Variants in GPATCH2 observed in about 807,000 individuals in gnomAD.
GPATCH2 encodes the protein G-patch domain containing 2, also known as G patch domain-containing protein 2.
A neutral mutation model predicts 58.0 loss-of-function variants in GPATCH2; 51 were observed. The observed-to-expected ratio is 0.88, with a 90% CI of 0.70 to 1.11. The LOEUF (loss-of-function observed/expected upper bound fraction) is 1.11. Among genes scored for constraint, GPATCH2 ranks in the 50% most tolerant of loss-of-function variants. The pLI is 0.00. For missense variants in GPATCH2, 625 were observed against 652.2 expected (o/e 0.96, Z 0.45); for synonymous variants, 222 against 218.5 (o/e 1.02, Z -0.14).
intron 6 of GPATCH2, among the ~76,000 whole-genome samples, chr1:217,507,999 CATT>C (rs972003363): frequency 2.6e-5 from 4 of 152,150 alleles, no homozygotes; most frequent in African/African-American, 9.6e-5. Flanking sequence ...AGTATGTCAT[CATT>C]ATCATCATTT....
intron 8 of GPATCH2, among the ~76,000 whole-genome samples, chr1:217,453,878 C>T (rs1241916897): frequency 6.6e-6 from 1 of 152,130 alleles, no homozygotes; most frequent in African/African-American, 2.4e-5. Context: ...GTTAAAGCTG[C>T]CCCCTGGATA....
intron 5 of GPATCH2, among the ~76,000 whole-genome samples, chr1:217,597,755 A>T (rs1330678748): frequency 2.1e-4 from 32 of 152,214 alleles, no homozygotes. Context: ...GTCCTTGTTT[A>T]TAACAAGAAT....
chr1:217,471,225 T>C (rs902524648), intron 8 of GPATCH2, among the ~76,000 whole-genome samples: 5 of 152,108 alleles, frequency 3.3e-5, no homozygotes, highest in Admixed American at 1.3e-4. Flanking sequence ...ACCATTAAAA[T>C]AAAGCATCAC....
intron 6 of GPATCH2, among the ~76,000 whole-genome samples, chr1:217,513,300 A>C (rs1662947520): frequency 6.6e-6 from 1 of 152,120 alleles, no homozygotes; most frequent in South Asian, 2.1e-4. Flanking sequence ...TCAGGGAAAA[A>C]AAAAAAATTA....
At chr1:217,520,884 G>A (rs111647647) in intron 5 of GPATCH2, among the ~76,000 whole-genome samples, 5,418 of 152,066 alleles carry the variant, frequency 0.036, 306 homozygotes, top group African/African-American at 0.12. Flanking sequence ...TTGCCCAAGC[G>A]TGAGTACTCA....
intron 5 of GPATCH2, among the ~76,000 whole-genome samples, chr1:217,538,240 G>A (rs1221606602): frequency 1.3e-5 from 2 of 152,162 alleles, no homozygotes; most frequent in Non-Finnish European, 2.9e-5. Context: ...CATGAAGCAG[G>A]TTCATGACAA....
intron 8 of GPATCH2, among the ~76,000 whole-genome samples, chr1:217,476,943 C>G (rs372477753): frequency 1.3e-5 from 2 of 152,162 alleles, no homozygotes; most frequent in South Asian, 2.1e-4. Flanking sequence ...AACTCCAAGC[C>G]GCACAACTCA....
chr1:217,483,463 G>A (rs1460919114), intron 8 of GPATCH2, among the ~76,000 whole-genome samples: 1 of 152,080 alleles, frequency 6.6e-6, no homozygotes, highest in Non-Finnish European at 1.5e-5. Context: ...GAGATTACAG[G>A]TATAAGCCAC....
chr1:217,620,564 T>A, intron 1 of GPATCH2, 65 bp from the exon 2 acceptor site: 1 of 896,738 alleles, frequency 1.1e-6, no homozygotes, highest in Non-Finnish European at 1.7e-6. Flanking sequence ...TCATTTTCTA[T>A]AACAGACAAT....
chr1:217,453,842 A>T (rs1259613448), intron 8 of GPATCH2, among the ~76,000 whole-genome samples: 2 of 152,220 alleles, frequency 1.3e-5, no homozygotes, highest in Admixed American at 1.3e-4. Context: ...AATTACAAAC[A>T]GAGGCTGTTC....
intron 8 of GPATCH2, among the ~76,000 whole-genome samples, chr1:217,473,411 GT>G (rs201462452): frequency 9.9e-5 from 15 of 151,610 alleles, no homozygotes; most frequent in Admixed American, 1.3e-4. Context: ...GTAATAGGTA[GT>G]TTTTTTAAAA....
chr1:217,504,709 T>C (rs1370653113), intron 6 of GPATCH2, among the ~76,000 whole-genome samples: 1 of 152,216 alleles, frequency 6.6e-6, no homozygotes, highest in Non-Finnish European at 1.5e-5. Flanking sequence ...TCTGATTCCA[T>C]ATCTTGTATT....
chr1:217,603,097 C>G (rs1668185662), intron 5 of GPATCH2, among the ~76,000 whole-genome samples: 1 of 152,016 alleles, frequency 6.6e-6, no homozygotes, highest in African/African-American at 2.4e-5. Flanking sequence ...AGAAAAGTGT[C>G]TGGCACATAG....
intron 5 of GPATCH2, among the ~76,000 whole-genome samples, chr1:217,572,026 G>A (rs146231694): frequency 9.7e-5 from 13 of 134,282 alleles, no homozygotes; most frequent in African/African-American, 1.6e-4. Context: ...GGAAGGAAGG[G>A]AGGTAGGGAG....
intron 5 of GPATCH2, among the ~76,000 whole-genome samples, chr1:217,571,605 C>A (rs772795162): frequency 6.8e-6 from 1 of 146,772 alleles, no homozygotes; most frequent in Non-Finnish European, 1.5e-5. Flanking sequence ...AGGTGATCTA[C>A]ACTTGAGGCC....
intron 5 of GPATCH2, chr1:217,608,365 T>A: frequency 1.0e-6 from 1 of 985,072 alleles, no homozygotes; most frequent in Non-Finnish European, 1.2e-6. Flanking sequence ...ATGCACTAGT[T>A]CCATGATAAA....
intron 9 of GPATCH2, among the ~76,000 whole-genome samples, chr1:217,439,067 C>G (rs561916278): frequency 1.3e-5 from 2 of 152,272 alleles, no homozygotes; most frequent in South Asian, 4.1e-4. Flanking sequence ...ACAGAATGTA[C>G]ACTCTTCTCA....
At chr1:217,591,913 T>C (rs182914775) in intron 5 of GPATCH2, among the ~76,000 whole-genome samples, 1 of 152,174 alleles carries the variant, frequency 6.6e-6, no homozygotes, top group African/African-American at 2.4e-5. Flanking sequence ...TTTTTACAGC[T>C]AGCTAAATGT....
At chr1:217,549,872 A>G (rs1665262552) in intron 5 of GPATCH2, among the ~76,000 whole-genome samples, 1 of 152,206 alleles carries the variant, frequency 6.6e-6, no homozygotes, top group Non-Finnish European at 1.5e-5. Context: ...TTAGGTTCAC[A>G]TTTAGATTTG....
Sources: allele counts gnomAD v4.1 joint callset (sites outside exome capture counted in the v4.1 genomes callset), GRCh38; gene constraint gnomAD v4.1.1; transcripts MANE v1.5; gene names NCBI Gene and HGNC (gene_info 2026-07-23, HGNC 2026-07-21).